Variants in AXIN2 observed in about 807,000 individuals in gnomAD.
The protein encoded by AXIN2 is axin 2, also known as axin-2.
Under a neutral mutation model 74.7 loss-of-function variants are expected in AXIN2, and 21 were observed. That is an observed-to-expected ratio of 0.28 (90% CI 0.20 to 0.40). AXIN2 has a LOEUF of 0.40. AXIN2 is among the 10% of genes least tolerant of loss of function. The pLI is 1.00. For synonymous variants in AXIN2, 532 were observed against 454.9 expected (o/e 1.17, Z -2.16); for missense variants, 1,144 against 1,111.1 (o/e 1.03, Z -0.42).
intron 3 of AXIN2, among the ~76,000 whole-genome samples, chr17:65,544,670 T>C (rs1362766953): frequency 2.0e-5 from 3 of 152,148 alleles, no homozygotes; most frequent in Non-Finnish European, 4.4e-5. Flanking sequence ...AGCACCAGAG[T>C]TGTGGTCCCT....
At chr17:65,550,393 C>T (rs571322123) in intron 2 of AXIN2, among the ~76,000 whole-genome samples, 17 of 152,306 alleles carry the variant, frequency 1.1e-4, no homozygotes, top group African/African-American at 3.9e-4. Context: ...GCCCCTCCTC[C>T]GGTATCTCCA....
At chr17:65,531,063 C>T (rs1030923868) in intron 10 of AXIN2, among the ~76,000 whole-genome samples, 4 of 152,170 alleles carry the variant, frequency 2.6e-5, no homozygotes, top group African/African-American at 9.7e-5. Flanking sequence ...AAACTTGCCC[C>T]TGCAAGCTGT....
At chr17:65,558,826 G>A (rs766298993) in intron 1 of AXIN2, 90 bp from the exon 2 acceptor site, 11 of 606,632 alleles carry the variant, frequency 1.8e-5, no homozygotes, top group Non-Finnish European at 2.9e-5. Flanking sequence ...AAGCAAGAAA[G>A]TAAACAGGCT....
chr17:65,533,912 C>G lies in AXIN2; in HGVS notation c.2405G>C (p.Arg802Thr), dbSNP rs778752803. The change falls in exon 10 of 11, where the codon AGG becomes ACG. Residue 802 changes from arginine (R) to threonine (T), a missense_variant and splice_region_variant. Physicochemically the swap from Arg to Thr is moderately conservative, Grantham distance 71. Coordinates refer to ENST00000307078, the MANE Select transcript of AXIN2 (RefSeq NM_004655.4). Reference protein sequence around the residue: ...KEQLSKKGNYRYYFKKASDEF... With the variant: ...KEQLSKKGNYTYYFKKASDEF... Reference sequence around the variant, plus strand: ...CAGAAAAAAGCCACAGGACTCTTACCTATAATTTCCCTTTTTGCTGAGCTG... The same window carrying G: ...CAGAAAAAAGCCACAGGACTCTTACGTATAATTTCCCTTTTTGCTGAGCTG... The G allele has an allele frequency of 6.2e-7, 1 of 1,612,726 alleles. No individual in the cohort carries two copies. Among genetic ancestry groups the G allele is most frequent in the Non-Finnish European group, 8.5e-7 (1 of 1,179,278 alleles).
rs864622657 is a variant in AXIN2, at chr17:65,537,489, T to G, written c.1547A>C (p.His516Pro). ...VTKQTTKHVH[H>P]HYIHHHAVPK... ...GACGGCATGGTGGTGGATGTAGTGG[T>G]GGTGGACATGCTTCGTCGTCTGCTT... is the stretch of plus-strand genomic sequence containing the variant. Residue 516 changes from histidine (H) to proline (P), a missense_variant, in exon 6 of 11, where the codon CAC becomes CCC. Around this residue, in one of 4 missense-constraint regions of AXIN2, gnomAD observed 1,053 missense variants for 973.5 expected, o/e 1.08. Transcript: ENST00000307078. 6.2e-7 allele frequency: 1 copy of G among 1,613,764 alleles called. No homozygotes were observed. The highest frequency in any genetic ancestry group is 1.7e-5 in the Admixed American group (1 of 60,014).
intron 1 of AXIN2, chr17:65,560,267 G>A (rs2044344616): frequency 1.3e-5 from 2 of 152,308 alleles, no homozygotes; most frequent in Non-Finnish European, 2.9e-5. Flanking sequence ...CGGGAGGAGG[G>A]ACGCGAGGGA....
intron 10 of AXIN2, among the ~76,000 whole-genome samples, chr17:65,533,017 G>A (rs2043850394): frequency 6.6e-6 from 1 of 152,230 alleles, no homozygotes; most frequent in South Asian, 2.1e-4. Flanking sequence ...AGGGGCAAGG[G>A]AGGACTCCAG....
intron 2 of AXIN2, among the ~76,000 whole-genome samples, chr17:65,555,249 G>A (rs1379631413): frequency 6.6e-6 from 1 of 152,220 alleles, no homozygotes; most frequent in Non-Finnish European, 1.5e-5. Flanking sequence ...ATCCTCAGCA[G>A]CACTGACGTT....
At chr17:65,543,037 G>A (rs549653941) in intron 3 of AXIN2, among the ~76,000 whole-genome samples, 1 of 152,294 alleles carries the variant, frequency 6.6e-6, no homozygotes, top group African/African-American at 2.4e-5. Context: ...AGGAACACAA[G>A]GGACAATGAA....
chr17:65,556,575 C>T (rs1463227758), intron 2 of AXIN2, among the ~76,000 whole-genome samples: 2 of 152,166 alleles, frequency 1.3e-5, no homozygotes, highest in African/African-American at 2.4e-5. Flanking sequence ...CAAGCGCGCC[C>T]CCTGGTGGTT....
At chr17:65,556,940 G>A (rs2044275826) in intron 2 of AXIN2, among the ~76,000 whole-genome samples, 1 of 152,136 alleles carries the variant, frequency 6.6e-6, no homozygotes, top group South Asian at 2.1e-4. Flanking sequence ...CGGGAGGAGG[G>A]GAGAAAACAG....
chr17:65,553,713 G>A (rs1276596655), intron 2 of AXIN2, among the ~76,000 whole-genome samples: 1 of 152,102 alleles, frequency 6.6e-6, no homozygotes, highest in South Asian at 2.1e-4. Context: ...ACAAGACAGG[G>A]CAGAGAAAGG....
chr17:65,535,551 G>A lies in AXIN2; in HGVS notation c.2237+75C>T, dbSNP rs1253946847. On this transcript the variant is annotated intron_variant, in intron 9 of 10. Coordinates refer to ENST00000307078, the MANE Select transcript of AXIN2 (RefSeq NM_004655.4). The stretch of plus-strand genomic sequence containing the variant: ...AAACCAAAAAAAGTTTCATGAAAAT[G>A]AAACTCCAGATAGCGAATATTCTGA... The A allele has an allele frequency of 2.1e-6, 3 of 1,445,698 alleles. No homozygotes were observed. The East Asian group carries it at 6.8e-5, about 33-fold the overall frequency. The allele number at this position is 1,445,698 out of a possible 1,614,324, so 89.6% of individuals were successfully genotyped here.
chr17:65,537,964 G>A (rs561006633), intron 5 of AXIN2, 129 bp from the exon 6 acceptor site: 1 of 1,383,190 alleles, frequency 7.2e-7, no homozygotes, highest in South Asian at 1.4e-5. Flanking sequence ...CCACGCCCAT[G>A]CGCACACGCA....
intron 7 of AXIN2, 74 bp from the exon 8 acceptor site, chr17:65,536,627 A>G (rs2043925193): frequency 9.7e-6 from 15 of 1,544,694 alleles, no homozygotes; most frequent in Non-Finnish European, 1.3e-5. Context: ...TGTGACTTCA[A>G]TAGAAACTTG....
rs1064794876 is a variant in AXIN2, at chr17:65,557,831, T to C, written c.790A>G (p.Thr264Ala). The change falls in exon 2 of 11, where the codon ACG becomes GCG. Residue 264 changes from threonine to alanine, a missense_variant. Transcript: ENST00000307078. The part of the protein sequence containing the change: ...TLRATASVRS[T>A]ETVDSGYRSF... Reference sequence around the variant, plus strand: ...CTGTATCCACTGTCAACAGTTTCCGTGGACCTCACACTCGCCGTGGCCCTC... The same window carrying C: ...CTGTATCCACTGTCAACAGTTTCCGCGGACCTCACACTCGCCGTGGCCCTC... The C allele has an allele frequency of 1.9e-6, 3 of 1,614,088 alleles. No homozygotes were observed. The highest frequency in any genetic ancestry group is 2.2e-5 in the East Asian group (1 of 44,894).
chr17:65,537,546 C>CAGGCGCCCGGCG lies in AXIN2; in HGVS notation c.1478_1489dup (p.Ser493_Ala496dup), dbSNP rs748235355. On this transcript the variant is annotated inframe_insertion, in exon 6 of 11. Transcript: ENST00000307078. ...AAAGCCTTTGCCCCCGAGGAGGGGG[C>CAGGCGCCCGGCG]AGGCGCCCGGCGAGGCGGCCGCGGG... is the stretch of plus-strand genomic sequence containing the variant. 19 of 1,612,824 alleles carry CAGGCGCCCGGCG rather than the reference C, an allele frequency of 1.2e-5. No homozygotes were observed. The African/African-American group carries it at 2.5e-4, about 22-fold the overall frequency.
chr17:65,531,839 T>C (rs2043824720), intron 10 of AXIN2, among the ~76,000 whole-genome samples: 1 of 152,206 alleles, frequency 6.6e-6, no homozygotes, highest in Non-Finnish European at 1.5e-5. Flanking sequence ...GTTTGCTTTT[T>C]GAACCCCTGC....
At chr17:65,531,271 G>A (rs1306158139) in intron 10 of AXIN2, among the ~76,000 whole-genome samples, 4 of 151,694 alleles carry the variant, frequency 2.6e-5, no homozygotes, top group Non-Finnish European at 2.9e-5. Context: ...AAATACTTTC[G>A]TAGGAGATAA....
Sources: gnomAD v4.1 joint callset for allele counts (sites outside exome capture counted in the v4.1 genomes callset) on GRCh38, gnomAD v4.1.1 for gene constraint, gnomAD v4.1.1 regional missense constraint, MANE v1.5 for transcripts, NCBI Gene and HGNC (gene_info 2026-07-23, HGNC 2026-07-21) for gene names.